The following TRIO variants were observed in gnomAD, a reference collection of about 807,000 sequenced individuals.
TRIO encodes trio Rho guanine nucleotide exchange factor, also known as triple functional domain protein.
TRIO carries 58 observed loss-of-function variants against 351.9 expected under a neutral mutation model. The observed-to-expected ratio is 0.16, with a 90% CI of 0.13 to 0.21. The LOEUF (loss-of-function observed/expected upper bound fraction) is 0.21, where lower values mean the gene tolerates loss of function less well. Among genes scored for constraint, TRIO ranks in the 10% least tolerant of loss-of-function variants. TRIO has a pLI of 1.00. For missense variants in TRIO, 3,201 were observed against 4,027.8 expected, an observed-to-expected ratio of 0.79 and a Z score of 5.56; for synonymous variants, 1,758 against 1,595.7, an observed-to-expected ratio of 1.10 and a Z score of -2.42.
chr5:14,486,594 C>T (rs997660245), intron 47 of TRIO, among the ~76,000 whole-genome samples: 4 of 152,166 alleles, frequency 2.6e-5, no homozygotes, highest in Admixed American at 1.3e-4. Flanking sequence ...AAATTTTCAT[C>T]ATTGTCTTTA....
chr5:14,232,531 G>T (rs370250620), intron 1 of TRIO, among the ~76,000 whole-genome samples: 2 of 152,192 alleles, frequency 1.3e-5, no homozygotes, highest in African/African-American at 4.8e-5. Flanking sequence ...GCAAGGGCAG[G>T]AATTGTCTGG....
At chr5:14,482,211 G>GCA (rs1755578098) in intron 45 of TRIO, among the ~76,000 whole-genome samples, 1 of 152,006 alleles carries the variant, frequency 6.6e-6, no homozygotes, top group Non-Finnish European at 1.5e-5. Flanking sequence ...TCTCTCTGAC[G>GCA]CACACACAGA....
intron 8 of TRIO, among the ~76,000 whole-genome samples, chr5:14,307,924 C>T (rs577076199): frequency 2.9e-4 from 44 of 152,128 alleles, no homozygotes; most frequent in Non-Finnish European, 5.0e-4. Flanking sequence ...CTATATCAGT[C>T]GGTTATAATT....
intron 55 of TRIO, 137 bp downstream of exon 55, chr5:14,504,730 CAG>C: frequency 9.3e-7 from 1 of 1,073,232 alleles, no homozygotes; most frequent in South Asian, 1.6e-5. Flanking sequence ...TCTTCACTGT[CAG>C]AGCCCGCAGT....
At chr5:14,259,794 T>C (rs1795237027) in intron 1 of TRIO, among the ~76,000 whole-genome samples, 1 of 151,980 alleles carries the variant, frequency 6.6e-6, no homozygotes, top group Non-Finnish European at 1.5e-5. Context: ...TTTTTGTTTT[T>C]TTTTTGAGTT....
At chr5:14,173,712 A>G (rs77157520) in intron 1 of TRIO, among the ~76,000 whole-genome samples, 1 of 152,232 alleles carries the variant, frequency 6.6e-6, no homozygotes. Context: ...CTTAGGACAG[A>G]TTAAGAGACT....
chr5:14,369,276 C>A, intron 17 of TRIO, 98 bp from the exon 18 acceptor site: 1 of 1,473,380 alleles, frequency 6.8e-7, no homozygotes, highest in Non-Finnish European at 9.1e-7. Context: ...CTCCTGACAG[C>A]ATCTTCATCC....
intron 1 of TRIO, among the ~76,000 whole-genome samples, chr5:14,172,247 A>G (rs1474744355): frequency 1.3e-5 from 2 of 152,232 alleles, no homozygotes; most frequent in Admixed American, 6.5e-5. Context: ...GCTTAAAAAT[A>G]CCTCTGTAAC....
intron 21 of TRIO, 84 bp downstream of exon 21, chr5:14,381,336 T>C (rs2152354296): frequency 1.4e-6 from 2 of 1,478,906 alleles, no homozygotes; most frequent in Non-Finnish European, 1.8e-6. Context: ...CCTCATGAGA[T>C]TGGAGAAAAG....
At chr5:14,350,922 CGTTA>C (rs1392418108) in intron 11 of TRIO, among the ~76,000 whole-genome samples, 2 of 152,074 alleles carry the variant, frequency 1.3e-5, no homozygotes, top group African/African-American at 2.4e-5. Flanking sequence ...GATTATCAGG[CGTTA>C]GTTAGATTCT....
intron 1 of TRIO, among the ~76,000 whole-genome samples, chr5:14,163,127 C>T (rs931107956): frequency 2.0e-5 from 3 of 152,200 alleles, no homozygotes; most frequent in Admixed American, 6.5e-5. Context: ...TTAAGCCCTG[C>T]ATGCATTAGG....
intron 33 of TRIO, among the ~76,000 whole-genome samples, chr5:14,409,635 C>T (rs570332149): frequency 1.3e-5 from 2 of 152,098 alleles, no homozygotes; most frequent in East Asian, 1.9e-4. Context: ...GAGATCGAGA[C>T]CATCCTGGCT....
chr5:14,387,995 CTT>C (rs1203998763), intron 23 of TRIO, 148 bp downstream of exon 23: 1 of 721,326 alleles, frequency 1.4e-6, no homozygotes, highest in African/African-American at 1.8e-5. Context: ...TCAGCACAGA[CTT>C]CGCTGCGTTC....
At chr5:14,163,145 C>A (rs1423509504) in intron 1 of TRIO, among the ~76,000 whole-genome samples, 1 of 152,134 alleles carries the variant, frequency 6.6e-6, no homozygotes, top group East Asian at 1.9e-4. Context: ...AGGTATTAGT[C>A]CTTATGCCCT....
intron 40 of TRIO, 88 bp downstream of exon 40, chr5:14,474,185 G>A (rs1162251135): frequency 1.5e-6 from 2 of 1,291,738 alleles, no homozygotes; most frequent in African/African-American, 1.5e-5. Context: ...AATTTATTCT[G>A]TTCATCGTAT....
intron 1 of TRIO, among the ~76,000 whole-genome samples, chr5:14,193,098 C>T (rs1790551774): frequency 6.6e-6 from 1 of 152,168 alleles, no homozygotes; most frequent in Non-Finnish European, 1.5e-5. Context: ...GGAAGATTGT[C>T]TGAAAATCTG....
chr5:14,363,300 G>A (rs1044189936), intron 13 of TRIO, among the ~76,000 whole-genome samples: 4 of 152,082 alleles, frequency 2.6e-5, no homozygotes, highest in Non-Finnish European at 5.9e-5. Context: ...ACCCCCAGCC[G>A]ATTTACTGTC....
chr5:14,343,001 C>A (rs1742074327), intron 11 of TRIO, among the ~76,000 whole-genome samples: 8 of 151,674 alleles, frequency 5.3e-5, no homozygotes, highest in Admixed American at 5.3e-4. Context: ...TTTGTTTGTA[C>A]CTCCAAAGAT....
At chr5:14,257,374 G>A (rs1193073922) in intron 1 of TRIO, among the ~76,000 whole-genome samples, 1 of 152,212 alleles carries the variant, frequency 6.6e-6, no homozygotes, top group Non-Finnish European at 1.5e-5. Flanking sequence ...AAGATAGACA[G>A]GTTAATCGAA....
Sources: gnomAD v4.1 joint callset for allele counts (sites outside exome capture counted in the v4.1 genomes callset) on GRCh38, gnomAD v4.1.1 for gene constraint, MANE v1.5 for transcripts, NCBI Gene and HGNC (gene_info 2026-07-23, HGNC 2026-07-21) for gene names.